The following SPOCK1 variants were observed in gnomAD, a reference collection of about 807,000 sequenced individuals.
SPOCK1 encodes SPARC (osteonectin), cwcv and kazal like domains proteoglycan 1, also known as testican-1.
SPOCK1 carries 23 observed loss-of-function variants against 55.3 expected under a neutral mutation model. That is an observed-to-expected ratio of 0.42 (90% CI 0.30 to 0.59). SPOCK1 has a LOEUF of 0.59. SPOCK1 is among the 20% of genes least tolerant of loss of function. The probability of loss-of-function intolerance (pLI) is 0.22; values close to 1 mark genes in which losing one functional copy is unlikely to be tolerated. For missense variants in SPOCK1, 499 were observed against 552.5 expected (o/e 0.90, Z 0.97); for synonymous variants, 226 against 221.0 (o/e 1.02, Z -0.20).
intron 5 of SPOCK1, among the ~76,000 whole-genome samples, chr5:137,075,569 G>A (rs1292386922): frequency 1.3e-5 from 2 of 152,234 alleles, no homozygotes; most frequent in African/African-American, 4.8e-5. Context: ...TCTTGTCAGT[G>A]ATTTAGCACA....
chr5:137,335,048 C>A (rs1750217884), intron 2 of SPOCK1, among the ~76,000 whole-genome samples: 1 of 152,124 alleles, frequency 6.6e-6, no homozygotes, highest in African/African-American at 2.4e-5. Flanking sequence ...CCAGCAGTTG[C>A]CTGGGGTTAG....
chr5:137,340,310 ACCC>A (rs1295667123), intron 2 of SPOCK1, among the ~76,000 whole-genome samples: 2 of 151,970 alleles, frequency 1.3e-5, no homozygotes, highest in Non-Finnish European at 2.9e-5. Flanking sequence ...CTTCCTTCTG[ACCC>A]CTTCCTGGAA....
chr5:137,121,324 T>G (rs1753678402), intron 4 of SPOCK1, among the ~76,000 whole-genome samples: 1 of 152,078 alleles, frequency 6.6e-6, no homozygotes, highest in South Asian at 2.1e-4. Flanking sequence ...ATCCACAGAC[T>G]GATAACTTTT....
At chr5:137,166,510 A>G (rs1446695567) in intron 3 of SPOCK1, among the ~76,000 whole-genome samples, 1 of 152,234 alleles carries the variant, frequency 6.6e-6, no homozygotes, top group South Asian at 2.1e-4. Context: ...GTAAATATAC[A>G]GAAAAACACA....
At chr5:137,108,844 C>T (rs1753413297) in intron 5 of SPOCK1, among the ~76,000 whole-genome samples, 2 of 152,174 alleles carry the variant, frequency 1.3e-5, no homozygotes, top group African/African-American at 4.8e-5. Flanking sequence ...GGGGTCTCCC[C>T]AATCCTTCTC....
At chr5:137,187,567 T>C (rs1343108323) in intron 3 of SPOCK1, among the ~76,000 whole-genome samples, 1 of 152,116 alleles carries the variant, frequency 6.6e-6, no homozygotes, top group Non-Finnish European at 1.5e-5. Context: ...CTCCCTCCCA[T>C]TTGCCATTGT....
intron 6 of SPOCK1, among the ~76,000 whole-genome samples, chr5:137,035,678 A>G (rs1335697134): frequency 6.6e-6 from 1 of 152,134 alleles, no homozygotes; most frequent in Non-Finnish European, 1.5e-5. Context: ...CCCTTGTCAC[A>G]AGAATGAATC....
intron 6 of SPOCK1, among the ~76,000 whole-genome samples, chr5:137,041,904 A>G (rs939618225): frequency 2.6e-5 from 4 of 152,248 alleles, no homozygotes; most frequent in Non-Finnish European, 4.4e-5. Flanking sequence ...TCCATTTCTT[A>G]TAAAACTAAA....
intron 4 of SPOCK1, among the ~76,000 whole-genome samples, chr5:137,113,650 C>T (rs6869576): frequency 0.13 from 20,238 of 152,062 alleles, 1,500 homozygotes; most frequent in South Asian, 0.21. Flanking sequence ...ATTAAATGAG[C>T]GGATGTATCT....
intron 2 of SPOCK1, among the ~76,000 whole-genome samples, chr5:137,316,996 T>A (rs6863470): frequency 9.9e-5 from 15 of 152,160 alleles, no homozygotes; most frequent in African/African-American, 3.6e-4. Context: ...TACTCTTTTT[T>A]CCAAGCTGAT....
chr5:137,439,774 G>T (rs1327261414), intron 2 of SPOCK1, among the ~76,000 whole-genome samples: 1 of 152,142 alleles, frequency 6.6e-6, no homozygotes, highest in Non-Finnish European at 1.5e-5. Flanking sequence ...ATGGCAGCTG[G>T]CCATTCACTC....
At chr5:137,268,539 C>T (rs1321549014) in intron 2 of SPOCK1, among the ~76,000 whole-genome samples, 1 of 152,196 alleles carries the variant, frequency 6.6e-6, no homozygotes, top group Non-Finnish European at 1.5e-5. Flanking sequence ...CTGTCAGAAA[C>T]TCGGCAGCCA....
intron 6 of SPOCK1, among the ~76,000 whole-genome samples, chr5:137,003,872 C>T (rs1414414699): frequency 6.6e-6 from 1 of 152,114 alleles, no homozygotes; most frequent in Admixed American, 6.5e-5. Flanking sequence ...TAGGAGGTGT[C>T]CAGAACCTGG....
At chr5:137,099,101 T>A (rs1561608571) in intron 5 of SPOCK1, among the ~76,000 whole-genome samples, 2 of 152,244 alleles carry the variant, frequency 1.3e-5, no homozygotes, top group African/African-American at 4.8e-5. Flanking sequence ...ACCTTTTTTA[T>A]CTTTCAATTT....
intron 5 of SPOCK1, among the ~76,000 whole-genome samples, chr5:137,083,678 A>G (rs573458166): frequency 2.2e-4 from 34 of 152,238 alleles, no homozygotes; most frequent in Middle Eastern, 3.4e-3. Context: ...AATGCCAGAC[A>G]CTGAATACTT....
At chr5:137,433,216 T>C (rs1752786632) in intron 2 of SPOCK1, among the ~76,000 whole-genome samples, 1 of 152,194 alleles carries the variant, frequency 6.6e-6, no homozygotes, top group South Asian at 2.1e-4. Context: ...GAACCTTTAT[T>C]GCTGAAACAG....
intron 3 of SPOCK1, among the ~76,000 whole-genome samples, chr5:137,150,090 G>C (rs1754290103): frequency 6.6e-6 from 1 of 152,132 alleles, no homozygotes; most frequent in African/African-American, 2.4e-5. Context: ...AAGGGCAAGG[G>C]ACCCTGGACA....
At chr5:137,444,818 C>T (rs1301529172) in intron 2 of SPOCK1, among the ~76,000 whole-genome samples, 1 of 152,232 alleles carries the variant, frequency 6.6e-6, no homozygotes, top group Non-Finnish European at 1.5e-5. Context: ...TCACCCTCTG[C>T]TGACCATTCT....
At chr5:137,063,239 CAAAAAAAAAA>C (rs34720226) in intron 6 of SPOCK1, among the ~76,000 whole-genome samples, 1 of 100,278 alleles carries the variant, frequency 1.0e-5, no homozygotes, top group Non-Finnish European at 1.9e-5. Flanking sequence ...GACTCCATCT[CAAAAAAAAAA>C]AAAAAAAAGA....
Sources: gnomAD v4.1 joint callset for allele counts (sites outside exome capture counted in the v4.1 genomes callset) on GRCh38, gnomAD v4.1.1 for gene constraint, MANE v1.5 for transcripts, NCBI Gene and HGNC (gene_info 2026-07-23, HGNC 2026-07-21) for gene names.